Variants in COX16 observed in about 807,000 individuals in gnomAD.
The protein encoded by COX16 is cytochrome c oxidase assembly protein COX16 homolog, mitochondrial.
COX16 carries 12 observed loss-of-function variants against 15.4 expected under a neutral mutation model. That is an observed-to-expected ratio of 0.78 (90% CI 0.50 to 1.26). The LOEUF (loss-of-function observed/expected upper bound fraction) is 1.26, where lower values mean the gene tolerates loss of function less well. COX16 is among the 50% of genes most tolerant of loss of function. COX16 has a pLI of 0.00. For synonymous variants in COX16, 46 were observed against 41.1 expected (o/e 1.12, Z -0.46); for missense variants, 124 against 127.6 (o/e 0.97, Z 0.14).
chr14:70,349,743 T>C (rs1017397616), intron 1 of COX16, among the ~76,000 whole-genome samples: 4 of 152,198 alleles, frequency 2.6e-5, no homozygotes, highest in Non-Finnish European at 1.5e-5. Context: ...GGCTGAACTT[T>C]TGTCTTGGGG....
At chr14:70,354,148 A>G (rs978329377) in intron 1 of COX16, among the ~76,000 whole-genome samples, 2 of 152,082 alleles carry the variant, frequency 1.3e-5, no homozygotes, top group African/African-American at 4.8e-5. Context: ...CTCCTCTCTT[A>G]AAAAAACAAC....
chr14:70,329,161 T>A lies in COX16; in HGVS notation c.204+13A>T. On this transcript the variant is annotated intron_variant, in intron 3 of 3. Coordinates refer to ENST00000389912, the MANE Select transcript of COX16 (RefSeq NM_016468.7). ...GATTGTTATAAGACAGAGACTATATTAACATACCGTACCTCATATTCCGAC... is the reference window on the plus strand; with the variant it reads ...GATTGTTATAAGACAGAGACTATATAAACATACCGTACCTCATATTCCGAC... 1 of 1,602,402 alleles carries A rather than the reference T, an allele frequency of 6.2e-7. No individual in the cohort carries two copies. The highest frequency in any genetic ancestry group is 8.5e-7 in the Non-Finnish European group (1 of 1,174,740).
chr14:70,333,151 G>C (rs1886344264), intron 2 of COX16, among the ~76,000 whole-genome samples: 1 of 152,118 alleles, frequency 6.6e-6, no homozygotes, highest in Admixed American at 6.5e-5. Flanking sequence ...AAATACAGAG[G>C]CTCTCAATGT....
At chr14:70,331,356 A>G (rs747703601) in intron 2 of COX16, among the ~76,000 whole-genome samples, 35 of 152,216 alleles carry the variant, frequency 2.3e-4, no homozygotes, top group Middle Eastern at 3.4e-3. Context: ...CCATTAAGAA[A>G]GTGAAGACTA....
At chr14:70,333,562 GTAA>G (rs1222705523) in intron 2 of COX16, among the ~76,000 whole-genome samples, 7 of 152,094 alleles carry the variant, frequency 4.6e-5, no homozygotes, top group Non-Finnish European at 1.0e-4. Context: ...AAGAATGAAA[GTAA>G]TAAACAGCTC....
intron 3 of COX16, 114 bp downstream of exon 3, chr14:70,329,060 T>TA (rs1886190542): frequency 1.1e-6 from 1 of 904,070 alleles, no homozygotes; most frequent in Non-Finnish European, 1.6e-6. Context: ...GATTATAGTT[T>TA]ATCAAATACC....
At chr14:70,335,556 A>G (rs1886424348) in intron 2 of COX16, among the ~76,000 whole-genome samples, 1 of 151,994 alleles carries the variant, frequency 6.6e-6, no homozygotes, top group African/African-American at 2.4e-5. Flanking sequence ...TGGAAGCTGT[A>G]CAAATACATG....
At chr14:70,352,685 A>C (rs1886997844) in intron 1 of COX16, among the ~76,000 whole-genome samples, 1 of 111,198 alleles carries the variant, frequency 9.0e-6, no homozygotes, top group Non-Finnish European at 1.7e-5. Context: ...TCGCTCTGTC[A>C]CTCAGGCTGG....
At position 70,326,321 on chromosome 14, in the gene COX16, G is replaced by A. The variant is rs1248689962; in HGVS notation, c.*12C>T. On this transcript the variant is annotated 3_prime_UTR_variant, in exon 4 of 4. Transcript: ENST00000389912. ...TTTAAAAAAAAAAAAAAGGAAAAAA[G>A]AATCAGCAGAGTCAAGTTGTCTTAG... is the stretch of plus-strand genomic sequence containing the variant. The A allele has an allele frequency of 8.6e-6, 12 of 1,397,274 alleles. No homozygotes were observed. The highest frequency in any genetic ancestry group is 3.2e-5 in the South Asian group (2 of 63,152). The allele number at this position is 1,397,274 out of a possible 1,614,324, so 86.6% of individuals were successfully genotyped here. A position where few individuals can be genotyped will look rare whatever the true frequency, so the allele number is the denominator to read the frequency against.
chr14:70,326,619 T>C (rs1455008546), intron 3 of COX16, among the ~76,000 whole-genome samples, 170 bp from the exon 4 acceptor site: 1 of 151,998 alleles, frequency 6.6e-6, no homozygotes, highest in South Asian at 2.1e-4. Context: ...CATCTTAAGA[T>C]TTAGAACTTT....
At chr14:70,341,130 T>G (rs995718394) in intron 2 of COX16, among the ~76,000 whole-genome samples, 1 of 152,138 alleles carries the variant, frequency 6.6e-6, no homozygotes, top group Admixed American at 6.5e-5. Context: ...ATTTTCATCT[T>G]AAAGGGAAAA....
intron 1 of COX16, among the ~76,000 whole-genome samples, chr14:70,350,428 G>A (rs1886918729): frequency 6.6e-6 from 1 of 152,044 alleles, no homozygotes; most frequent in African/African-American, 2.4e-5. Context: ...GCTCCATACC[G>A]CCTCAGTGTT....
chr14:70,356,700 G>C (rs1887135310), intron 1 of COX16, among the ~76,000 whole-genome samples: 1 of 152,084 alleles, frequency 6.6e-6, no homozygotes, highest in Admixed American at 6.5e-5. Context: ...AAGATATAAA[G>C]AAGAACCAAA....
At chr14:70,347,687 C>G (rs1003242167) in intron 1 of COX16, among the ~76,000 whole-genome samples, 2 of 152,088 alleles carry the variant, frequency 1.3e-5, no homozygotes, top group Admixed American at 6.5e-5. Context: ...ACGGAGGTAT[C>G]GGGTCTCCCC....
intron 1 of COX16, among the ~76,000 whole-genome samples, chr14:70,350,222 G>A (rs1047683634): frequency 3.9e-5 from 6 of 152,288 alleles, no homozygotes; most frequent in African/African-American, 1.4e-4. Flanking sequence ...GCAGAAGCAG[G>A]AAGAGAGCCG....
intron 1 of COX16, among the ~76,000 whole-genome samples, chr14:70,347,073 C>A (rs928792042): frequency 4.6e-5 from 7 of 152,040 alleles, no homozygotes; most frequent in African/African-American, 1.4e-4. Context: ...AAACACCACA[C>A]CCCCGTCCGC....
chr14:70,334,681 G>A (rs773911664), intron 2 of COX16, among the ~76,000 whole-genome samples: 4 of 151,970 alleles, frequency 2.6e-5, no homozygotes, highest in Non-Finnish European at 4.4e-5. Context: ...TAAGCCTTGA[G>A]GTAACTGCAA....
At chr14:70,357,429 T>C (rs1417399816) in intron 1 of COX16, among the ~76,000 whole-genome samples, 2 of 152,188 alleles carry the variant, frequency 1.3e-5, no homozygotes, top group Non-Finnish European at 2.9e-5. Flanking sequence ...GTGAAGGCTA[T>C]ACATGGAGCT....
chr14:70,330,365 GAATT>G (rs1348591453), intron 2 of COX16, among the ~76,000 whole-genome samples: 2 of 152,120 alleles, frequency 1.3e-5, no homozygotes, highest in Admixed American at 6.6e-5. Flanking sequence ...AATCTATAAA[GAATT>G]AAATCTATAA....
Sources: allele counts gnomAD v4.1 joint callset (sites outside exome capture counted in the v4.1 genomes callset), GRCh38; gene constraint gnomAD v4.1.1; transcripts MANE v1.5; gene names NCBI Gene and HGNC (gene_info 2026-07-23, HGNC 2026-07-21).